Variants in ACO2 observed in about 807,000 individuals in gnomAD.
The protein encoded by ACO2 is aconitase 2, also known as aconitate hydratase, mitochondrial.
A neutral mutation model predicts 84.5 loss-of-function variants in ACO2; 31 were observed. The observed-to-expected ratio is 0.37, with a 90% CI of 0.28 to 0.50. The LOEUF is 0.50. Among genes scored for constraint, ACO2 ranks in the 20% least tolerant of loss-of-function variants. The pLI is 0.97. For missense variants in ACO2, 685 were observed against 1,029.3 expected (o/e 0.67, Z 4.58); for synonymous variants, 414 against 412.7 (o/e 1.00, Z -0.04).
At chr22:41,525,406 A>C in intron 14 of ACO2, 58 bp downstream of exon 14, 1 of 1,593,686 alleles carries the variant, frequency 6.3e-7, no homozygotes, top group East Asian at 2.2e-5. Context: ...CCGTCCCCTG[A>C]GCATCGGGAA....
chr22:41,469,732 A>G (rs913634246), intron 1 of ACO2, among the ~76,000 whole-genome samples: 1 of 152,152 alleles, frequency 6.6e-6, no homozygotes, highest in Non-Finnish European at 1.5e-5. Flanking sequence ...CGTAGTAAAT[A>G]ATATAATAAT....
At chr22:41,484,014 C>T (rs1204264019) in intron 1 of ACO2, among the ~76,000 whole-genome samples, 1 of 151,934 alleles carries the variant, frequency 6.6e-6, no homozygotes, top group African/African-American at 2.4e-5. Context: ...GTGTCGTAGC[C>T]GATGGAGAGT....
chr22:41,488,767 C>T (rs1223879479), intron 1 of ACO2, among the ~76,000 whole-genome samples: 2 of 152,156 alleles, frequency 1.3e-5, no homozygotes, highest in East Asian at 3.8e-4. Context: ...TGCTTTCCTC[C>T]AGGCCTTTGG....
At chr22:41,482,140 G>T in intron 1 of ACO2, among the ~76,000 whole-genome samples, 1 of 152,204 alleles carries the variant, frequency 6.6e-6, no homozygotes, top group East Asian at 1.9e-4. Context: ...CCACTGTTCT[G>T]TGTTGGTAGA....
intron 2 of ACO2, among the ~76,000 whole-genome samples, chr22:41,500,334 A>G (rs1397416458): frequency 1.4e-5 from 2 of 147,544 alleles, no homozygotes; most frequent in Admixed American, 6.8e-5. Context: ...TTATTTATAT[A>G]TATTTGAGGC....
intron 1 of ACO2, among the ~76,000 whole-genome samples, chr22:41,477,311 G>T (rs1405217049): frequency 6.6e-6 from 1 of 151,112 alleles, no homozygotes; most frequent in Non-Finnish European, 1.5e-5. Context: ...CCGCCACCAC[G>T]CCCAGCTAAT....
At chr22:41,512,025 G>A (rs2066436989) in intron 4 of ACO2, 57 bp downstream of exon 4, 2 of 1,427,348 alleles carry the variant, frequency 1.4e-6, no homozygotes, top group Non-Finnish European at 1.9e-6. Context: ...GTATGTTCCA[G>A]GCCTATGGGG....
intron 4 of ACO2, among the ~76,000 whole-genome samples, chr22:41,513,981 C>T (rs757807471): frequency 4.2e-5 from 6 of 142,420 alleles, no homozygotes; most frequent in African/African-American, 7.4e-5. Flanking sequence ...TAGACCACCC[C>T]GAATTCTGTG....
rs764260085 is a variant in ACO2 at position 41,526,314 on chromosome 22, A to T, written c.1814A>T (p.Lys605Met). Reference sequence around the variant, plus strand: ...ATCTCAGCTGCTGGCCCCTGGCTCAAGTTCCGTGGGCACTTGGATAACATC... The same window carrying T: ...ATCTCAGCTGCTGGCCCCTGGCTCATGTTCCGTGGGCACTTGGATAACATC... ...DHISAAGPWL[K>M]FRGHLDNISN... Residue 605 changes from lysine (K) to methionine (M), a missense_variant, in exon 15 of 18, where the codon AAG becomes ATG. Physicochemically the swap from Lys to Met is moderately conservative, Grantham distance 95. Around this residue, in one of 5 missense-constraint regions of ACO2, gnomAD observed 174 missense variants for 236.6 expected, o/e 0.74. Coordinates refer to ENST00000216254, the MANE Select transcript of ACO2 (RefSeq NM_001098.3). 1 of 1,612,830 alleles carries T rather than the reference A, an allele frequency of 6.2e-7. No individual in the cohort carries two copies. Among genetic ancestry groups the T allele is most frequent in the South Asian group, 1.1e-5 (1 of 91,012 alleles).
rs1601925748 is a variant in ACO2 at position 41,522,972 on chromosome 22, T to C, written c.1281T>C (p.Ile427=). The C allele has an allele frequency of 6.2e-7, 1 of 1,614,196 alleles. No homozygotes were observed. ...TPGSEQIRAT[I]ERDGYAQILR... ...GTTCCGAGCAGATCCGCGCCACCAT[T>C]GAGCGGGACGGCTATGTGAGTGCCC... The change falls in exon 10 of 18, where the codon ATT becomes ATC. Residue 427 remains isoleucine, a synonymous_variant. Coordinates refer to ENST00000216254, the MANE Select transcript of ACO2 (RefSeq NM_001098.3).
At chr22:41,528,152 G>A in intron 17 of ACO2, 130 bp downstream of exon 17, 1 of 1,415,182 alleles carries the variant, frequency 7.1e-7, no homozygotes, top group Non-Finnish European at 9.6e-7. Flanking sequence ...AGTTCTCCAG[G>A]TGGCCCCACA....
intron 15 of ACO2, 135 bp from the exon 16 acceptor site, chr22:41,527,153 A>C (rs2066617143): frequency 1.5e-6 from 2 of 1,345,634 alleles, no homozygotes; most frequent in Admixed American, 4.1e-5. Context: ...CAGGCGAGGA[A>C]GGGCCCCTCC....
intron 1 of ACO2, among the ~76,000 whole-genome samples, chr22:41,491,139 G>A (rs1230331754): frequency 6.6e-6 from 1 of 151,962 alleles, no homozygotes; most frequent in Non-Finnish European, 1.5e-5. Flanking sequence ...TGGGAATGGA[G>A]GTGGACAGCA....
chr22:41,523,122 C>T, intron 10 of ACO2, 83 bp from the exon 11 acceptor site: 1 of 1,536,164 alleles, frequency 6.5e-7, no homozygotes, highest in Non-Finnish European at 8.9e-7. Flanking sequence ...CAGTACAGCA[C>T]TTCGTCCTGC....
intron 14 of ACO2, among the ~76,000 whole-genome samples, chr22:41,525,633 G>T (rs1220108185): frequency 6.6e-6 from 1 of 152,250 alleles, no homozygotes; most frequent in Non-Finnish European, 1.5e-5. Flanking sequence ...GTGTGGGCAG[G>T]TGAGTACAGC....
At chr22:41,495,676 A>G (rs1210195495) in intron 1 of ACO2, among the ~76,000 whole-genome samples, 1 of 148,956 alleles carries the variant, frequency 6.7e-6, no homozygotes, top group Admixed American at 6.7e-5. Flanking sequence ...GCTGGAGTGC[A>G]GTGATGTGAT....
chr22:41,490,947 G>T (rs2066267478), intron 1 of ACO2, among the ~76,000 whole-genome samples: 1 of 151,988 alleles, frequency 6.6e-6, no homozygotes, highest in Non-Finnish European at 1.5e-5. Flanking sequence ...CCCTAGTGGA[G>T]CTTACAGACT....
At chr22:41,507,685 G>A (rs1345625085) in intron 2 of ACO2, 106 bp from the exon 3 acceptor site, 1 of 1,478,898 alleles carries the variant, frequency 6.8e-7, no homozygotes, top group African/African-American at 1.4e-5. Flanking sequence ...CAGACTCCCT[G>A]TCCCTGGCCA....
intron 1 of ACO2, among the ~76,000 whole-genome samples, chr22:41,474,130 G>A (rs536852064): frequency 1.6e-4 from 24 of 152,064 alleles, no homozygotes; most frequent in Non-Finnish European, 2.6e-4. Flanking sequence ...GATCTGGGGG[G>A]TGGAGATAAT....
Sources: gnomAD v4.1 joint callset for allele counts (sites outside exome capture counted in the v4.1 genomes callset) on GRCh38, gnomAD v4.1.1 for gene constraint, gnomAD v4.1.1 regional missense constraint, MANE v1.5 for transcripts, NCBI Gene and HGNC (gene_info 2026-07-23, HGNC 2026-07-21) for gene names.